The following OR6C3 variants were observed in gnomAD, a reference collection of about 807,000 sequenced individuals.
OR6C3 encodes olfactory receptor family 6 subfamily C member 3.
For synonymous variants in OR6C3, 177 were observed against 137.4 expected, an observed-to-expected ratio of 1.29 and a Z score of -2.02; for missense variants, 487 against 364.6, an observed-to-expected ratio of 1.34 and a Z score of -2.73.
intron 1 of OR6C3, 144 bp from the exon 2 acceptor site, chr12:55,331,513 T>C (rs992575211): frequency 8.3e-6 from 4 of 484,804 alleles, no homozygotes; most frequent in Non-Finnish European, 1.4e-5. Flanking sequence ...GAAAAAAATA[T>C]TAAAACATAA....
chr12:55,332,212 T>C lies in OR6C3; in HGVS notation c.512T>C (p.Ile171Thr), dbSNP rs147047550. Reference sequence around the variant, plus strand: ...CTGGATTACTGTGCTTCCAACGTCATTGATCACTTTGCATGTGACTATTTT... The same window carrying C: ...CTGGATTACTGTGCTTCCAACGTCACTGATCACTTTGCATGTGACTATTTT... ...LQLDYCASNV[I>T]DHFACDYFPL... Residue 171 changes from isoleucine (I) to threonine (T), a missense_variant, in exon 2 of 2, where the codon ATT becomes ACT. Coordinates refer to ENST00000641740, the MANE Select transcript of OR6C3 (RefSeq NM_001388498.1). The C allele has an allele frequency of 9.9e-6, 16 of 1,614,156 alleles. No homozygotes were observed. Among genetic ancestry groups the C allele is most frequent in the African/African-American group, 1.3e-5 (1 of 75,064 alleles).
chr12:55,332,204 C>T lies in OR6C3; in HGVS notation c.504C>T (p.Ser168=), dbSNP rs1868882329. 3 of 1,614,090 alleles carry T rather than the reference C, an allele frequency of 1.9e-6. No homozygotes were observed. Among genetic ancestry groups the T allele is most frequent in the Non-Finnish European group, 2.5e-6 (3 of 1,180,008 alleles). Residue 168 remains serine (S), a synonymous_variant, in exon 2 of 2, where the codon TCC becomes TCT. Transcript: ENST00000641740. ...TCCTCCAGCTGGATTACTGTGCTTC[C>T]AACGTCATTGATCACTTTGCATGTG... ...MLLLQLDYCA[S]NVIDHFACDY... is the part of the protein sequence containing the mutation.
rs749841863 is a variant in OR6C3 at position 55,332,237 on chromosome 12, TC to T, written c.541del (p.Leu181SerfsTer12). 6.2e-6 allele frequency: 10 copies of T among 1,614,130 alleles called. No individual in the cohort carries two copies. The highest frequency in any genetic ancestry group is 2.2e-5 in the East Asian group (1 of 44,884). ...VIDHFACDYF[P>X]LLQLSCSDTW... is the part of the protein sequence containing the mutation. ...TTGATCACTTTGCATGTGACTATTT[TC>T]CCCTCTTACAACTATCTTGTTCAGA... On this transcript the variant is annotated frameshift_variant, in exon 2 of 2. Coordinates refer to ENST00000641740, the MANE Select transcript of OR6C3 (RefSeq NM_001388498.1). LOFTEE classifies it low-confidence loss of function (END_TRUNC).
chr12:55,331,157 T>C (rs1221722246), intron 1 of OR6C3, among the ~76,000 whole-genome samples: 2 of 151,522 alleles, frequency 1.3e-5, no homozygotes, highest in African/African-American at 4.8e-5. Context: ...AATATAAATA[T>C]ATGTTTTATT....
In OR6C3 at chr12:55,331,777, TC is replaced by T; in HGVS notation, c.78del (p.Leu28TyrfsTer7). 1 of 1,613,928 alleles carries T rather than the reference TC, an allele frequency of 6.2e-7. No homozygotes were observed. Among genetic ancestry groups the T allele is most frequent in the African/African-American group, 1.3e-5 (1 of 75,034 alleles). On this transcript the variant is annotated frameshift_variant, in exon 2 of 2. Coordinates refer to ENST00000641740, the MANE Select transcript of OR6C3 (RefSeq NM_001388498.1). LOFTEE classifies it low-confidence loss of function (END_TRUNC). ...CCTGACCTTCAGATTGTGATTTTTC[TC>T]TTTTTATTTATCACGTATATATTAA... ...DDPDLQIVIFLFLFITYILSV... is the reference protein window; with the variant it reads ...DDPDLQIVIFXFLFITYILSV...
Position 55,331,994 on chromosome 12 carries a change from CT to C in OR6C3, c.299del (p.Phe100SerfsTer7). ...ISYNNCAAQL[F>X]FFIFMGVTEF... ...CCTATAACAACTGTGCAGCCCAACT[CT>C]TTTTCTTTATCTTCATGGGGGTGAC... is the stretch of plus-strand genomic sequence containing the variant. On this transcript the variant is annotated frameshift_variant, in exon 2 of 2. Coordinates refer to ENST00000641740, the MANE Select transcript of OR6C3 (RefSeq NM_001388498.1). LOFTEE classifies it low-confidence loss of function (END_TRUNC). 6.2e-7 allele frequency: 1 copy of C among 1,614,146 alleles called. No individual in the cohort carries two copies. Among genetic ancestry groups the C allele is most frequent in the Non-Finnish European group, 8.5e-7 (1 of 1,180,018 alleles).
Position 55,331,670 on chromosome 12 carries a change from G to C in OR6C3, c.-31G>C. 7.1e-7 allele frequency: 1 copy of C among 1,404,558 alleles called. No individual in the cohort carries two copies. 87.0% of individuals were successfully genotyped at this position (1,404,558 alleles called of 1,614,324 possible). A position where few individuals can be genotyped will look rare whatever the true frequency, so the allele number is the denominator to read the frequency against. On this transcript the variant is annotated 5_prime_UTR_variant, in exon 2 of 2. Coordinates refer to ENST00000641740, the MANE Select transcript of OR6C3 (RefSeq NM_001388498.1). ...TATCTTTAAAAGAACAAAAAGGAGA[G>C]TGGAAGAAGGAGAGAGAGAAAGGAC...
rs766747267 is a variant in OR6C3, at chr12:55,331,866, A to C, written c.166A>C (p.Met56Leu). 1.2e-6 allele frequency: 2 copies of C among 1,613,990 alleles called. No individual in the cohort carries two copies. Among genetic ancestry groups the C allele is most frequent in the Admixed American group, 3.3e-5 (2 of 60,000 alleles). Residue 56 changes from methionine (M) to leucine (L), a missense_variant, in exon 2 of 2, where the codon ATG (methionine) becomes CTG (leucine). Met to Leu is a conservative substitution (Grantham distance 15). Transcript: ENST00000641740. Reference protein sequence around the residue: ...TFVDSHLQTPMYFFLRNFSFL... With the variant: ...TFVDSHLQTPLYFFLRNFSFL... ...TGTGGACTCCCATCTGCAGACACCTATGTATTTCTTCCTCCGGAACTTCTC... is the reference window on the plus strand; with the variant it reads ...TGTGGACTCCCATCTGCAGACACCTCTGTATTTCTTCCTCCGGAACTTCTC...
At position 55,332,127 on chromosome 12, in the gene OR6C3, C is replaced by T. The variant is rs766429858; in HGVS notation, c.427C>T (p.Leu143=). ...CAGGAAACTCTGCACTCTACTTGTGCTGTGTGCCTGGCTAAGTGGGTTTCT... is the reference window on the plus strand; with the variant it reads ...CAGGAAACTCTGCACTCTACTTGTGTTGTGTGCCTGGCTAAGTGGGTTTCT... ...MNRKLCTLLV[L]CAWLSGFLTI... is the part of the protein sequence containing the mutation. Residue 143 remains leucine, a synonymous_variant, in exon 2 of 2, where the codon CTG becomes TTG. Transcript: ENST00000641740. The T allele has an allele frequency of 1.9e-6, 3 of 1,614,154 alleles. No homozygotes were observed. The highest frequency in any genetic ancestry group is 1.7e-5 in the Admixed American group (1 of 60,012).
intron 1 of OR6C3, among the ~76,000 whole-genome samples, chr12:55,331,406 T>G (rs11171413): frequency 0.11 from 16,808 of 152,158 alleles, 1,229 homozygotes; most frequent in Non-Finnish European, 0.17. Context: ...TATTATACAT[T>G]TTATTAGCTG....
rs199948283 is a variant in OR6C3, at chr12:55,331,739, C to A, written c.39C>A (p.Gly13=). ...TGGTCACAGAGTTTGTCCTCCTGGG[C>A]CTTTCTGATGATCCTGACCTTCAGA... is the stretch of plus-strand genomic sequence containing the variant. The part of the protein sequence containing the change: ...HTMVTEFVLL[G]LSDDPDLQIV... Residue 13 remains glycine, a synonymous_variant, in exon 2 of 2, where the codon GGC becomes GGA. Transcript: ENST00000641740. 1.9e-4 allele frequency: 300 copies of A among 1,613,476 alleles called. No homozygotes were observed. The highest frequency in any genetic ancestry group is 8.2e-4 in the Middle Eastern group (5 of 6,076).
chr12:55,330,825 C>T lies in OR6C3; in HGVS notation c.-45+18C>T, dbSNP rs1409729706. The T allele has an allele frequency of 6.6e-6, 1 of 152,112 alleles. No homozygotes were observed. The highest frequency in any genetic ancestry group is 1.5e-5 in the Non-Finnish European group (1 of 68,000). 9.4% of individuals were successfully genotyped at this position (152,112 alleles called of 1,614,324 possible). ...GATCTAAGGCAAGTAGTTACTTTTCCAATTTATGCTTCAGAGCAAAATGAA... is the reference window on the plus strand; with the variant it reads ...GATCTAAGGCAAGTAGTTACTTTTCTAATTTATGCTTCAGAGCAAAATGAA... On this transcript the variant is annotated intron_variant, in intron 1 of 1. Transcript: ENST00000641740.
chr12:55,331,557 G>C, intron 1 of OR6C3, 100 bp from the exon 2 acceptor site: 2 of 576,488 alleles, frequency 3.5e-6, no homozygotes, highest in Non-Finnish European at 3.0e-6. Flanking sequence ...TCAGACTGTA[G>C]AAGATTTTTA....
Position 55,331,847 on chromosome 12 carries a change from C to T in OR6C3, c.147C>T (p.Asp49=). ...CTATCATCACCCTAACCTTTGTGGA[C>T]TCCCATCTGCAGACACCTATGTATT... ...NLTIITLTFV[D]SHLQTPMYFF... is the part of the protein sequence containing the mutation. Residue 49 remains aspartate, a synonymous_variant, in exon 2 of 2, where the codon GAC becomes GAT. Transcript: ENST00000641740. 1 of 1,614,072 alleles carries T rather than the reference C, an allele frequency of 6.2e-7. No homozygotes were observed. Among genetic ancestry groups the T allele is most frequent in the South Asian group, 1.1e-5 (1 of 91,080 alleles).
Position 55,332,115 on chromosome 12 carries a change from A to G in OR6C3, c.415A>G (p.Thr139Ala). The G allele has an allele frequency of 6.2e-7, 1 of 1,613,920 alleles. No homozygotes were observed. The highest frequency in any genetic ancestry group is 8.5e-7 in the Non-Finnish European group (1 of 1,179,978). Residue 139 changes from threonine to alanine, a missense_variant, in exon 2 of 2, where the codon ACT (threonine) becomes GCT (alanine). Coordinates refer to ENST00000641740, the MANE Select transcript of OR6C3 (RefSeq NM_001388498.1). ...ATCCATCATGAACAGGAAACTCTGC[A>G]CTCTACTTGTGCTGTGTGCCTGGCT... is the stretch of plus-strand genomic sequence containing the variant. ...YTSIMNRKLC[T>A]LLVLCAWLSG...
At position 55,332,250 on chromosome 12, in the gene OR6C3, C is replaced by A. The variant is rs757938669; in HGVS notation, c.550C>A (p.Leu184Ile). The part of the protein sequence containing the change: ...FACDYFPLLQ[L>I]SCSDTWLLEV... ...ATGTGACTATTTTCCCCTCTTACAA[C>A]TATCTTGTTCAGATACATGGCTCCT... is the stretch of plus-strand genomic sequence containing the variant. Residue 184 changes from leucine (L) to isoleucine (I), a missense_variant, in exon 2 of 2, where the codon CTA becomes ATA. Coordinates refer to ENST00000641740, the MANE Select transcript of OR6C3 (RefSeq NM_001388498.1). 1.3e-5 allele frequency: 21 copies of A among 1,613,994 alleles called. 1 individual carries two copies. Among genetic ancestry groups the A allele is most frequent in the Non-Finnish European group, 1.6e-5 (19 of 1,180,020 alleles).
At chr12:55,330,712 G>A (rs1001902116), upstream of OR6C3, 3 of 152,064 alleles carry the variant, frequency 2.0e-5, no homozygotes, top group African/African-American at 7.2e-5. Flanking sequence ...AATTTACTAG[G>A]AAATAAAACT....
At position 55,332,011 on chromosome 12, in the gene OR6C3, TG is replaced by T; in HGVS notation, c.316del (p.Val106Ter). 1.2e-6 allele frequency: 2 copies of T among 1,614,186 alleles called. No individual in the cohort carries two copies. Among genetic ancestry groups the T allele is most frequent in the East Asian group, 4.5e-5 (2 of 44,882 alleles). On this transcript the variant is annotated frameshift_variant, in exon 2 of 2. Transcript: ENST00000641740. LOFTEE classifies it low-confidence loss of function (END_TRUNC). ...GCCCAACTCTTTTTCTTTATCTTCA[TG>T]GGGGTGACTGAATTTTACATTTTAA... ...CAAQLFFFIF[M>X]GVTEFYILTA...
At position 55,332,473 on chromosome 12, in the gene OR6C3, A is replaced by T; in HGVS notation, c.773A>T (p.Asn258Ile). 2 of 1,614,016 alleles carry T rather than the reference A, an allele frequency of 1.2e-6. No individual in the cohort carries two copies. Among genetic ancestry groups the T allele is most frequent in the Non-Finnish European group, 1.7e-6 (2 of 1,179,970 alleles). ...GGAAGCTGTATATTCATGTATGCTA[A>T]TCCATCTGCAAAAGAAAAGGCATCA... ...SYGSCIFMYANPSAKEKASLT... is the reference protein window; with the variant it reads ...SYGSCIFMYAIPSAKEKASLT... The change falls in exon 2 of 2, where the codon AAT (asparagine) becomes ATT (isoleucine). Residue 258 changes from asparagine to isoleucine, a missense_variant. Physicochemically the swap from Asn to Ile is moderately radical, Grantham distance 149. Coordinates refer to ENST00000641740, the MANE Select transcript of OR6C3 (RefSeq NM_001388498.1).
Sources: gnomAD v4.1 joint callset for allele counts (sites outside exome capture counted in the v4.1 genomes callset) on GRCh38, gnomAD v4.1.1 for gene constraint, MANE v1.5 for transcripts, NCBI Gene and HGNC (gene_info 2026-07-23, HGNC 2026-07-21) for gene names.